The following CPM variants were observed in gnomAD, a reference collection of about 807,000 sequenced individuals.
CPM encodes the protein carboxypeptidase M.
CPM carries 35 observed loss-of-function variants against 46.4 expected under a neutral mutation model. The observed-to-expected ratio is 0.75, with a 90% confidence interval of 0.58 to 1.00. The LOEUF (loss-of-function observed/expected upper bound fraction) is 1.00, where lower values mean the gene tolerates loss of function less well. Among genes scored for constraint, CPM ranks in the 50% least tolerant of loss-of-function variants. The pLI is 0.00. For synonymous variants in CPM, 195 were observed against 195.3 expected (o/e 1.00, Z 0.01); for missense variants, 422 against 530.4 (o/e 0.80, Z 2.01).
intron 3 of CPM, 84 bp from the exon 4 acceptor site, chr12:68,872,040 G>C: frequency 5.0e-6 from 7 of 1,400,412 alleles, no homozygotes; most frequent in Non-Finnish European, 6.9e-6. Flanking sequence ...TTCCCCAATA[G>C]GGGTCTCTAC....
chr12:68,893,183 G>A (rs2136266199), intron 2 of CPM, among the ~76,000 whole-genome samples: 1 of 148,790 alleles, frequency 6.7e-6, no homozygotes, highest in South Asian at 2.1e-4. Flanking sequence ...TGGCTGGACT[G>A]GCAAGGGAAG....
chr12:68,882,436 T>C (rs150974352), intron 3 of CPM, among the ~76,000 whole-genome samples: 4 of 152,318 alleles, frequency 2.6e-5, no homozygotes, highest in East Asian at 3.9e-4. Context: ...CCACGATGTA[T>C]ATGTACCATG....
chr12:68,882,024 CTTTTT>C (rs60522842), intron 3 of CPM, among the ~76,000 whole-genome samples: 2 of 124,766 alleles, frequency 1.6e-5, no homozygotes, highest in Non-Finnish European at 3.4e-5. Context: ...GCCCGGCCTG[CTTTTT>C]TTTTTTTTTT....
intron 2 of CPM, among the ~76,000 whole-genome samples, chr12:68,908,610 T>G (rs538086604): frequency 1.2e-4 from 18 of 152,082 alleles, no homozygotes; most frequent in African/African-American, 4.3e-4. Flanking sequence ...TACATACCAC[T>G]CGATTCCCAA....
chr12:68,848,277 G>C (rs1263203474), downstream of CPM: 3 of 152,164 alleles, frequency 2.0e-5, no homozygotes, highest in Non-Finnish European at 4.4e-5. Flanking sequence ...CCACCTCCTG[G>C]GTTCAAGTGA....
intron 2 of CPM, among the ~76,000 whole-genome samples, chr12:68,928,049 GCCCGC>G (rs1422411650): frequency 6.6e-6 from 1 of 152,196 alleles, no homozygotes; most frequent in South Asian, 2.1e-4. Flanking sequence ...CCAAAAAAGA[GCCCGC>G]ATTGCCAAGT....
At chr12:68,901,703 A>T (rs189474216) in intron 2 of CPM, among the ~76,000 whole-genome samples, 105 of 152,348 alleles carry the variant, frequency 6.9e-4, no homozygotes, top group Non-Finnish European at 5.3e-4. Flanking sequence ...GTGTTGGGCA[A>T]GTTTAATCAT....
At chr12:68,844,912 A>C (rs942293988) in intron 5 of CPM, 5 of 200,156 alleles carry the variant, frequency 2.5e-5, no homozygotes, top group Non-Finnish European at 5.1e-5. Context: ...GGGTTAGAGC[A>C]CCCTGTCACC....
upstream of CPM, chr12:68,933,350 G>T (rs1014031361): frequency 6.6e-6 from 1 of 152,150 alleles, no homozygotes; most frequent in Non-Finnish European, 1.5e-5. Flanking sequence ...TTCGTGGCGC[G>T]GCTGCTGGTG....
intron 1 of CPM, among the ~76,000 whole-genome samples, chr12:68,958,800 G>C (rs7296637): frequency 0.96 from 145,767 of 152,214 alleles, 70,073 homozygotes; most frequent in Non-Finnish European, 1. Flanking sequence ...CCTCTGAGAC[G>C]CTATATGAAC....
chr12:68,909,847 GCTAC>G (rs1887514585), intron 2 of CPM, among the ~76,000 whole-genome samples: 3 of 111,398 alleles, frequency 2.7e-5, no homozygotes, highest in African/African-American at 9.9e-5. Context: ...GGGTGGGGGG[GCTAC>G]GGGAGGGATA....
At chr12:68,894,142 CTG>C (rs1358082621) in intron 2 of CPM, among the ~76,000 whole-genome samples, 1 of 152,150 alleles carries the variant, frequency 6.6e-6, no homozygotes, top group Non-Finnish European at 1.5e-5. Flanking sequence ...CTCTCTAATC[CTG>C]TGTCATCTTT....
At chr12:68,849,180 C>T (rs1260580366), downstream of CPM, 1 of 152,308 alleles carries the variant, frequency 6.6e-6, no homozygotes, top group African/African-American at 2.4e-5. Flanking sequence ...ACCTCTGCCC[C>T]CCAGGTTCAA....
intron 1 of CPM, among the ~76,000 whole-genome samples, chr12:68,958,700 G>A (rs1181106396): frequency 6.6e-6 from 1 of 152,174 alleles, no homozygotes; most frequent in Non-Finnish European, 1.5e-5. Flanking sequence ...TGCCAGAGGG[G>A]TGTTTTAAAA....
chr12:68,901,943 C>A (rs933854659), intron 2 of CPM, among the ~76,000 whole-genome samples: 1 of 152,088 alleles, frequency 6.6e-6, no homozygotes, highest in Non-Finnish European at 1.5e-5. Context: ...GAAAGAGGCA[C>A]CTCTGTGTCA....
At chr12:68,923,160 AGTGTGTGTGTGT>A (rs869087872) in intron 2 of CPM, among the ~76,000 whole-genome samples, 26 of 45,716 alleles carry the variant, frequency 5.7e-4, no homozygotes, top group East Asian at 1.6e-3. Flanking sequence ...TTTGATATAG[AGTGTGTGTGTGT>A]GTGTGTGTGT....
chr12:68,942,235 G>A (rs1315026057), intron 1 of CPM, among the ~76,000 whole-genome samples: 2 of 152,160 alleles, frequency 1.3e-5, no homozygotes, highest in Non-Finnish European at 2.9e-5. Flanking sequence ...AAACCAAACA[G>A]AGTAGTTCTT....
chr12:68,880,779 T>C (rs1305922799), intron 3 of CPM, among the ~76,000 whole-genome samples: 4 of 152,220 alleles, frequency 2.6e-5, no homozygotes, highest in African/African-American at 2.4e-5. Context: ...AATGCACTTA[T>C]TGTCATCTGT....
In CPM at chr12:68,858,984, T is replaced by C. The variant is rs911632640; in HGVS notation, c.1028A>G (p.Tyr343Cys). 3 of 1,573,616 alleles carry C rather than the reference T, an allele frequency of 1.9e-6. No homozygotes were observed. Among genetic ancestry groups the C allele is most frequent in the African/African-American group, 1.4e-5 (1 of 73,238 alleles). The change falls in exon 8 of 9, where the codon TAT becomes TGT. Residue 343 changes from tyrosine to cysteine, a missense_variant. By Grantham distance (194) the Tyr-to-Cys change is radical. Transcript: ENST00000551568. ...EVQDRKHICP[Y>C]RTNKYGEYYL... is the part of the protein sequence containing the mutation. ...ATACTCTCCATATTTGTTGGTTCTA[T>C]AGGGGCAGATATGTTTTCTGTCTTG...
Sources: allele counts gnomAD v4.1 joint callset (sites outside exome capture counted in the v4.1 genomes callset), GRCh38; gene constraint gnomAD v4.1.1; transcripts MANE v1.5; gene names NCBI Gene and HGNC (gene_info 2026-07-23, HGNC 2026-07-21).